The following FBLN7 variants were observed in gnomAD, a reference collection of about 807,000 sequenced individuals.
FBLN7 encodes fibulin 7, also known as fibulin-7.
Under a neutral mutation model 44.0 loss-of-function variants are expected in FBLN7, and 31 were observed. That is an observed-to-expected ratio of 0.70 (90% CI 0.53 to 0.95). The LOEUF is 0.95. Ranked by LOEUF, FBLN7 falls within the 40% of genes least tolerant of loss-of-function variation. The pLI is 0.00. For synonymous variants in FBLN7, 262 were observed against 253.4 expected, an observed-to-expected ratio of 1.03 and a Z score of -0.32; for missense variants, 573 against 618.5, an observed-to-expected ratio of 0.93 and a Z score of 0.78.
the FBLN7 span, among the ~76,000 whole-genome samples, chr2:112,194,545 AC>A: frequency 6.6e-6 from 1 of 152,154 alleles, no homozygotes; most frequent in Non-Finnish European, 1.5e-5. Context: ...GCCTTTTAGG[AC>A]CCAATCACAT....
rs777249747 is a variant in FBLN7 at position 112,182,827 on chromosome 2, G to A, written c.707G>A (p.Arg236His). The stretch of plus-strand genomic sequence containing the variant: ...TGTGAGCTCTACGGGCAGGAGGGGC[G>A]CCCCCGGCTCTGCATGCACGCCTGC... ...NECELYGQEG[R>H]PRLCMHACVN... is the part of the protein sequence containing the mutation. Residue 236 changes from arginine (R) to histidine (H), a missense_variant, in exon 6 of 8, where the codon CGC becomes CAC. Physicochemically the swap from Arg to His is conservative, Grantham distance 29 (BLOSUM62 0). Transcript: ENST00000331203. The A allele has an allele frequency of 2.6e-5, 42 of 1,610,072 alleles. No homozygotes were observed. Among genetic ancestry groups the A allele is most frequent in the South Asian group, 6.7e-5 (6 of 90,064 alleles).
At chr2:112,148,692 T>A (rs1681000121) in intron 1 of FBLN7, among the ~76,000 whole-genome samples, 1 of 152,228 alleles carries the variant, frequency 6.6e-6, no homozygotes, top group Non-Finnish European at 1.5e-5. Context: ...GCAGTTCATC[T>A]GGTGCATGCA....
intron 1 of FBLN7, among the ~76,000 whole-genome samples, chr2:112,140,808 G>T (rs1030571960): frequency 6.6e-6 from 1 of 152,270 alleles, no homozygotes; most frequent in Middle Eastern, 3.4e-3. Flanking sequence ...TTTCCGAAGC[G>T]GTCCCTTCCC....
chr2:112,233,412 A>C, the FBLN7 span: 167 of 1,290,288 alleles, frequency 1.3e-4, no homozygotes, highest in Non-Finnish European at 1.6e-4. Flanking sequence ...ATTATTTCTC[A>C]TAGTCAAGTC....
Position 112,142,420 on chromosome 2 carries a change from G to T in FBLN7, c.75+3690G>T, listed in dbSNP as rs370032071. ...GTATTCCCACTATAGGGCTCCAGGG[G>T]CAGGGACCCACCTGGCCTTAAAGCA... On this transcript the variant is annotated intron_variant, in intron 1 of 7. Transcript: ENST00000331203. Among the ~76,000 whole-genome samples the T allele has an allele frequency of 6.2e-4, 94 of 152,294 alleles. 2 individuals carry two copies. In the South Asian group the frequency reaches 0.016, roughly 26 times the overall value.
chr2:112,172,702 T>C (rs1485904290), intron 3 of FBLN7, among the ~76,000 whole-genome samples: 2 of 150,100 alleles, frequency 1.3e-5, no homozygotes, highest in African/African-American at 4.9e-5. Flanking sequence ...GGCGCGATCT[T>C]GGCTCATGCA....
chr2:112,179,254 A>C (rs1350527965), intron 4 of FBLN7, among the ~76,000 whole-genome samples: 1 of 152,128 alleles, frequency 6.6e-6, no homozygotes. Flanking sequence ...ACACACACAC[A>C]AATAAAATAC....
the FBLN7 span, among the ~76,000 whole-genome samples, chr2:112,237,448 G>A: frequency 1.3e-5 from 2 of 152,036 alleles, no homozygotes; most frequent in Admixed American, 6.5e-5. Flanking sequence ...ATCTATCCGT[G>A]CACGCATTTA....
At chr2:112,163,259 A>G (rs1168662388) in intron 2 of FBLN7, among the ~76,000 whole-genome samples, 1 of 152,198 alleles carries the variant, frequency 6.6e-6, no homozygotes, top group Non-Finnish European at 1.5e-5. Context: ...AGGGAGGCCC[A>G]TCACGCTCCT....
chr2:112,238,541 T>C, the FBLN7 span: 1 of 1,583,638 alleles, frequency 6.3e-7, no homozygotes, highest in Non-Finnish European at 8.5e-7. Context: ...AAGTAAAAAT[T>C]AAAACTTCAA....
At chr2:112,170,554 GAAAA>G (rs1682407934) in intron 3 of FBLN7, among the ~76,000 whole-genome samples, 1 of 150,488 alleles carries the variant, frequency 6.6e-6, no homozygotes, top group African/African-American at 2.4e-5. Context: ...AAAAAGAAAA[GAAAA>G]GGAAGGAGAA....
In FBLN7 at chr2:112,167,134, T is replaced by C. The variant is rs1573803703; in HGVS notation, c.406+1963T>C. On this transcript the variant is annotated intron_variant, in intron 3 of 7. Transcript: ENST00000331203. ...CACATCTTACTTATGTGTGTGCTGT[T>C]TTTTCTTGCTTGCTCAGATATTATC... Among the ~76,000 whole-genome samples, 7 of 152,346 alleles carry C rather than the reference T, an allele frequency of 4.6e-5. No homozygotes were observed. The South Asian group carries it at 1.5e-3, about 32-fold the overall frequency.
downstream of FBLN7, chr2:112,188,807 A>T (rs1302328495): frequency 6.6e-6 from 1 of 152,226 alleles, no homozygotes; most frequent in African/African-American, 2.4e-5. Flanking sequence ...GACACAGTCA[A>T]GAGTTGCTTT....
chr2:112,172,142 A>G (rs1362725402), intron 3 of FBLN7, among the ~76,000 whole-genome samples: 1 of 152,260 alleles, frequency 6.6e-6, no homozygotes. Context: ...CCTAAAATCC[A>G]GTGATTAACA....
At chr2:112,167,556 T>C (rs1450851542) in intron 3 of FBLN7, among the ~76,000 whole-genome samples, 1 of 152,126 alleles carries the variant, frequency 6.6e-6, no homozygotes, top group Non-Finnish European at 1.5e-5. Flanking sequence ...ATCTCAAACA[T>C]TCAGGTCCTC....
intron 1 of FBLN7, chr2:112,152,451 T>A (rs971757476): frequency 6.6e-5 from 10 of 152,264 alleles, no homozygotes; most frequent in Non-Finnish European, 1.5e-5. Context: ...ACCCTGAGCA[T>A]CCTGGGGTGC....
At chr2:112,241,628 T>G in the FBLN7 span, among the ~76,000 whole-genome samples, 7 of 152,226 alleles carry the variant, frequency 4.6e-5, no homozygotes, top group African/African-American at 1.7e-4. Context: ...AAACAAAATA[T>G]AGCAGTATCA....
In FBLN7 at chr2:112,138,536, C is replaced by T. The variant is rs1189730292; in HGVS notation, c.-120C>T. ...CTCCCGCCTCCCCCCCTGCCCCAGC[C>T]GCCCCCCGGCCGCGCGGCGCCCCGC... On this transcript the variant is annotated 5_prime_UTR_variant, in exon 1 of 8. Coordinates refer to ENST00000331203, the MANE Select transcript of FBLN7 (RefSeq NM_153214.3). The T allele has an allele frequency of 2.1e-6, 3 of 1,431,992 alleles. No individual in the cohort carries two copies. The highest frequency in any genetic ancestry group is 3.0e-5 in the African/African-American group (2 of 67,662). 88.7% of individuals were successfully genotyped at this position (1,431,992 alleles called of 1,614,324 possible).
intron 1 of FBLN7, 111 bp from the exon 2 acceptor site, chr2:112,159,565 G>A (rs892444943): frequency 1.5e-6 from 2 of 1,299,138 alleles, no homozygotes; most frequent in Admixed American, 2.9e-5. Context: ...CGTTGAGTGA[G>A]CTTCAAACGC....
Sources: gnomAD v4.1 joint callset for allele counts (sites outside exome capture counted in the v4.1 genomes callset) on GRCh38, gnomAD v4.1.1 for gene constraint, MANE v1.5 for transcripts, NCBI Gene and HGNC (gene_info 2026-07-23, HGNC 2026-07-21) for gene names.